The following FAT3 variants were observed in gnomAD, a reference collection of about 807,000 sequenced individuals.
FAT3 encodes the protein protocadherin Fat 3.
Under a neutral mutation model 310.2 loss-of-function variants are expected in FAT3, and 95 were observed. That is an observed-to-expected ratio of 0.31 (90% CI 0.26 to 0.36). FAT3 has a LOEUF of 0.36. Among genes scored for constraint, FAT3 ranks in the 10% least tolerant of loss-of-function variants. FAT3 has a pLI of 1.00. For synonymous variants in FAT3, 2,314 were observed against 2,192.9 expected (o/e 1.06, Z -1.54); for missense variants, 5,408 against 5,715.6 (o/e 0.95, Z 1.74).
intron 1 of FAT3, among the ~76,000 whole-genome samples, chr11:92,253,309 A>T (rs1865200295): frequency 6.6e-6 from 1 of 151,766 alleles, no homozygotes; most frequent in South Asian, 2.1e-4. Flanking sequence ...GCAGCAAAAC[A>T]AGTTCATCAC....
intron 13 of FAT3, among the ~76,000 whole-genome samples, chr11:92,812,278 T>A (rs1947694967): frequency 6.6e-6 from 1 of 152,186 alleles, no homozygotes; most frequent in African/African-American, 2.4e-5. Flanking sequence ...AAGCTGAGTT[T>A]GCACATCAAT....
chr11:92,427,547 A>G (rs1950664046), intron 2 of FAT3, among the ~76,000 whole-genome samples: 1 of 152,186 alleles, frequency 6.6e-6, no homozygotes, highest in African/African-American at 2.4e-5. Context: ...TGTTCTATCA[A>G]TACCTAGTCT....
chr11:92,354,683 C>T lies in FAT3; in HGVS notation c.2571C>T (p.Asp857=). 1 of 1,613,852 alleles carries T rather than the reference C, an allele frequency of 6.2e-7. No homozygotes were observed. Among genetic ancestry groups the T allele is most frequent in the Non-Finnish European group, 8.5e-7 (1 of 1,179,866 alleles). ...AAATCATTCAAGTGGAAGCCAGAGA[C>T]AAAGACTTAGGTTCTAATGGTGAAG... ...GTEIIQVEAR[D]KDLGSNGEVT... Residue 857 remains aspartate (D), a synonymous_variant, in exon 2 of 28, where the codon GAC becomes GAT. Coordinates refer to ENST00000525166, the MANE Select transcript of FAT3 (RefSeq NM_001367949.2).
intron 2 of FAT3, among the ~76,000 whole-genome samples, chr11:92,359,073 A>AT (rs1223632067): frequency 2.6e-5 from 4 of 152,158 alleles, no homozygotes; most frequent in Admixed American, 1.3e-4. Flanking sequence ...CCCAGGCCAA[A>AT]TTCCCAATTA....
chr11:92,425,690 C>T (rs1157735809), intron 2 of FAT3, among the ~76,000 whole-genome samples: 1 of 152,102 alleles, frequency 6.6e-6, no homozygotes, highest in African/African-American at 2.4e-5. Flanking sequence ...CCGACTTTAT[C>T]TGTGTCCCTG....
At chr11:92,346,884 A>G (rs899408442) in intron 1 of FAT3, among the ~76,000 whole-genome samples, 15 of 152,152 alleles carry the variant, frequency 9.9e-5, no homozygotes, top group African/African-American at 3.6e-4. Context: ...TCTACTGGAA[A>G]ATAAAACGTA....
intron 22 of FAT3, among the ~76,000 whole-genome samples, chr11:92,872,975 G>A (rs1430957352): frequency 6.6e-6 from 1 of 152,110 alleles, no homozygotes; most frequent in Non-Finnish European, 1.5e-5. Context: ...TAGAGGTTTG[G>A]ATGTTTCCCA....
At chr11:92,815,736 G>A (rs1947806986) in intron 13 of FAT3, among the ~76,000 whole-genome samples, 1 of 152,194 alleles carries the variant, frequency 6.6e-6, no homozygotes, top group Non-Finnish European at 1.5e-5. Context: ...TGCATGAGCA[G>A]AAGTAGCATA....
At chr11:92,339,981 G>A (rs375220551) in intron 1 of FAT3, among the ~76,000 whole-genome samples, 9 of 151,776 alleles carry the variant, frequency 5.9e-5, no homozygotes, top group Non-Finnish European at 7.4e-5. Context: ...GCGTGGTGGC[G>A]GGCCCCTGTA....
At chr11:92,482,607 G>C (rs1952260300) in intron 2 of FAT3, among the ~76,000 whole-genome samples, 1 of 152,084 alleles carries the variant, frequency 6.6e-6, no homozygotes, top group African/African-American at 2.4e-5. Flanking sequence ...AATTAGAATT[G>C]CTCCATCCAC....
At chr11:92,796,537 T>C (rs1282944408) in intron 9 of FAT3, among the ~76,000 whole-genome samples, 1 of 152,216 alleles carries the variant, frequency 6.6e-6, no homozygotes, top group Non-Finnish European at 1.5e-5. Flanking sequence ...CTGGTCCCTA[T>C]TTTAATGATT....
Position 92,891,396 on chromosome 11 carries a change from A to G in FAT3, c.*283A>G, listed in dbSNP as rs1167139850. On this transcript the variant is annotated 3_prime_UTR_variant, in exon 28 of 28. Transcript: ENST00000525166. ...CAAAGAGGGAAAAATTATTTCACCC[A>G]CTAAGTTATACAGCCAGTCTTGTAT... 3 of 451,734 alleles carry G rather than the reference A, an allele frequency of 6.6e-6. No homozygotes were observed. The highest frequency in any genetic ancestry group is 1.2e-5 in the Non-Finnish European group (3 of 244,954). The allele number at this position is 451,734 out of a possible 1,614,324, so 28.0% of individuals were successfully genotyped here.
In FAT3 at chr11:92,761,997, A is replaced by G. The variant is rs1302601362; in HGVS notation, c.3811A>G (p.Arg1271Gly). The G allele has an allele frequency of 6.2e-7, 1 of 1,613,872 alleles. No homozygotes were observed. Among genetic ancestry groups the G allele is most frequent in the African/African-American group, 1.3e-5 (1 of 74,922 alleles). Reference sequence around the variant, plus strand: ...GCTGCCAGAACGTGACCGAAAGAAGAGAGGAGAACCGATTTACAGGGCTTT... The same window carrying G: ...GCTGCCAGAACGTGACCGAAAGAAGGGAGGAGAACCGATTTACAGGGCTTT... The part of the protein sequence containing the change: ...IKLPERDRKK[R>G]GEPIYRAFAF... The change falls in exon 5 of 28, where the codon AGA (arginine) becomes GGA (glycine). Residue 1271 changes from arginine (R) to glycine (G), a missense_variant. This residue lies in a region of FAT3 where 4,588 missense variants were observed against 4,809.8 expected (regional missense o/e 0.95). Transcript: ENST00000525166.
intron 13 of FAT3, among the ~76,000 whole-genome samples, chr11:92,819,630 T>A (rs1450149182): frequency 1.3e-5 from 2 of 152,146 alleles, no homozygotes; most frequent in African/African-American, 4.8e-5. Context: ...AAGTTACAAA[T>A]AAAATAGTTT....
chr11:92,547,569 C>G (rs1254856993), intron 3 of FAT3, among the ~76,000 whole-genome samples: 1 of 152,128 alleles, frequency 6.6e-6, no homozygotes, highest in East Asian at 1.9e-4. Context: ...TTTCAGCCCT[C>G]TGAGTACCAG....
chr11:92,348,907 G>A (rs996205122), intron 1 of FAT3, among the ~76,000 whole-genome samples: 26 of 152,088 alleles, frequency 1.7e-4, no homozygotes. Context: ...TAGTACTTAG[G>A]GTTCTGTTCA....
chr11:92,674,294 T>C (rs1943221090), intron 3 of FAT3, among the ~76,000 whole-genome samples: 1 of 151,308 alleles, frequency 6.6e-6, no homozygotes, highest in African/African-American at 2.4e-5. Flanking sequence ...GATGGACCAC[T>C]GTGATATTGG....
chr11:92,472,091 CAG>C (rs2135153732), intron 2 of FAT3, among the ~76,000 whole-genome samples: 1 of 151,916 alleles, frequency 6.6e-6, no homozygotes, highest in East Asian at 1.9e-4. Context: ...GTGTGCATAA[CAG>C]TGAGAAATAT....
At chr11:92,613,401 T>TA (rs34868818) in intron 3 of FAT3, among the ~76,000 whole-genome samples, 89 of 32,328 alleles carry the variant, frequency 2.8e-3, no homozygotes, top group South Asian at 0.022. Flanking sequence ...ATATTTTTTT[T>TA]AAAAAAAACT....
Sources: gnomAD v4.1 joint callset for allele counts (sites outside exome capture counted in the v4.1 genomes callset) on GRCh38, gnomAD v4.1.1 for gene constraint, gnomAD v4.1.1 regional missense constraint, MANE v1.5 for transcripts, NCBI Gene and HGNC (gene_info 2026-07-23, HGNC 2026-07-21) for gene names.